Variants in CROCC2 observed in about 807,000 individuals in gnomAD.
CROCC2 encodes ciliary rootlet coiled-coil protein 2.
In CROCC2, 163 loss-of-function variants were observed where a neutral mutation model predicts 177.6. The observed-to-expected ratio is 0.92, with a 90% confidence interval of 0.81 to 1.05. The LOEUF (loss-of-function observed/expected upper bound fraction) is 1.05. Ranked by LOEUF, CROCC2 falls within the 50% of genes least tolerant of loss-of-function variation. The probability of loss-of-function intolerance (pLI) is 0.00; values close to 1 mark genes in which losing one functional copy is unlikely to be tolerated. For synonymous variants in CROCC2, 904 were observed against 787.3 expected (o/e 1.15, Z -2.48); for missense variants, 1,929 against 1,797.8 (o/e 1.07, Z -1.32).
intron 19 of CROCC2, 22 bp from the exon 20 acceptor site, chr2:240,959,279 G>A (rs1010840833): frequency 7.1e-6 from 11 of 1,548,404 alleles, no homozygotes; most frequent in African/African-American, 4.1e-5. Context: ...TGGTGCCACC[G>A]TGGGCTCCCT....
intron 19 of CROCC2, chr2:240,957,902 G>T: frequency 1.1e-6 from 1 of 884,010 alleles, no homozygotes; most frequent in Non-Finnish European, 1.4e-6. Flanking sequence ...CACCCCGTGG[G>T]CAGGGACCCA....
chr2:240,947,919 T>C (rs2059533118), intron 15 of CROCC2, among the ~76,000 whole-genome samples: 1 of 151,216 alleles, frequency 6.6e-6, no homozygotes, highest in Non-Finnish European at 1.5e-5. Context: ...CCCTGGAGTT[T>C]CTCCTGGGCC....
intron 14 of CROCC2, among the ~76,000 whole-genome samples, chr2:240,939,728 T>C (rs1300569700): frequency 6.6e-6 from 1 of 152,194 alleles, no homozygotes; most frequent in Non-Finnish European, 1.5e-5. Flanking sequence ...TGCATCCTAA[T>C]AATTTTGCAT....
intron 20 of CROCC2, among the ~76,000 whole-genome samples, chr2:240,961,719 C>A (rs1314759049): frequency 6.7e-6 from 1 of 148,846 alleles, no homozygotes; most frequent in Admixed American, 6.7e-5. Context: ...TGCATGCACA[C>A]ACACGTATGC....
chr2:240,974,086 A>G (rs1385921044), intron 27 of CROCC2, among the ~76,000 whole-genome samples: 1 of 152,204 alleles, frequency 6.6e-6, no homozygotes, highest in African/African-American at 2.4e-5. Flanking sequence ...ACGTCTGCTT[A>G]GCATCATCTT....
intron 26 of CROCC2, 112 bp from the exon 27 acceptor site, chr2:240,968,017 A>C (rs2059695130): frequency 1.7e-6 from 2 of 1,145,630 alleles, no homozygotes; most frequent in African/African-American, 3.2e-5. Context: ...GCAAGGATGG[A>C]CCCCCACCTC....
At position 240,950,475 on chromosome 2, in the gene CROCC2, G is replaced by T. The variant is rs747869470; in HGVS notation, c.2794G>T (p.Glu932Ter). The T allele has an allele frequency of 1.9e-6, 3 of 1,550,036 alleles. No individual in the cohort carries two copies. Among genetic ancestry groups the T allele is most frequent in the Non-Finnish European group, 2.6e-6 (3 of 1,146,762 alleles). Residue 932 changes from glutamate (E) to a stop codon, truncating the protein, a stop_gained, in exon 18 of 32, where the codon GAG becomes TAG. Coordinates refer to ENST00000690015, the MANE Select transcript of CROCC2 (RefSeq NM_001351305.2). LOFTEE classifies it high-confidence loss of function. Reference sequence around the variant, plus strand: ...TCAGAGCCTGAAGCAGGAGCGGGACGAGAGCCTTCTCCAACTGGAGCACAA... The same window carrying T: ...TCAGAGCCTGAAGCAGGAGCGGGACTAGAGCCTTCTCCAACTGGAGCACAA... ...EIQSLKQERD[E>*]SLLQLEHKMQ... is the part of the protein sequence containing the mutation.
chr2:240,911,513 G>A (rs377708257), intron 1 of CROCC2, among the ~76,000 whole-genome samples: 1 of 152,128 alleles, frequency 6.6e-6, no homozygotes, highest in South Asian at 2.1e-4. Flanking sequence ...AGCCAGGAGG[G>A]TCTCGAACTC....
intron 1 of CROCC2, among the ~76,000 whole-genome samples, chr2:240,912,090 G>A (rs970342759): frequency 1.1e-4 from 17 of 152,210 alleles, no homozygotes; most frequent in Non-Finnish European, 1.3e-4. Context: ...TAACCGCACC[G>A]TCTTACCCTC....
chr2:240,910,928 T>C lies in CROCC2; in HGVS notation c.78+4337T>C, dbSNP rs554793864. ...GGCGGATCGCTTGAGGTCAGGAGTT[T>C]GAGACCAGCCTGGCCAACATGGTGA... On this transcript the variant is annotated intron_variant, in intron 1 of 31. Coordinates refer to ENST00000690015, the MANE Select transcript of CROCC2 (RefSeq NM_001351305.2). 1.3e-4 allele frequency among the ~76,000 whole-genome samples: 20 copies of C among 152,142 alleles called. No homozygotes were observed. In the South Asian group the frequency reaches 2.5e-3, roughly 19 times the overall value.
Position 240,933,763 on chromosome 2 carries a change from A to T in CROCC2, c.1557A>T (p.Ala519=). The T allele has an allele frequency of 6.5e-7, 1 of 1,549,648 alleles. No homozygotes were observed. The highest frequency in any genetic ancestry group is 8.7e-7 in the Non-Finnish European group (1 of 1,146,808). Residue 519 remains alanine (A), a synonymous_variant, in exon 11 of 32, where the codon GCA becomes GCT. Coordinates refer to ENST00000690015, the MANE Select transcript of CROCC2 (RefSeq NM_001351305.2). ...AEKQGLEAEA[A]ELQRSLLLQA... is the part of the protein sequence containing the mutation. ...AGCAGGGGCTGGAGGCCGAGGCTGC[A>T]GAGCTGCAGAGAAGCCTCCTGCTGC...
rs1357530608 is a variant in CROCC2 at position 240,973,488 on chromosome 2, C to T, written c.4401+5226C>T. ...AGCCTCCGTGGCTCAGGGAAGCTCA[C>T]GGCGTTCTTGGACTCTTGCCCAGGC... On this transcript the variant is annotated intron_variant, in intron 27 of 31. Transcript: ENST00000690015. The surrounding 1 kb of genome is among the most constrained non-coding windows in gnomAD (Gnocchi z 4.7). Among the ~76,000 whole-genome samples, 5 of 152,322 alleles carry T rather than the reference C, an allele frequency of 3.3e-5. No homozygotes were observed. Among genetic ancestry groups the T allele is most frequent in the Middle Eastern group, 3.4e-3 (1 of 294 alleles).
intron 1 of CROCC2, among the ~76,000 whole-genome samples, chr2:240,907,679 C>G (rs1349072710): frequency 6.6e-6 from 1 of 152,130 alleles, no homozygotes; most frequent in Non-Finnish European, 1.5e-5. Context: ...TGCAACAAGA[C>G]AAAGAGGTGC....
intron 26 of CROCC2, among the ~76,000 whole-genome samples, 156 bp from the exon 27 acceptor site, chr2:240,967,973 C>T (rs1021145573): frequency 1.3e-5 from 2 of 152,014 alleles, no homozygotes; most frequent in East Asian, 2.0e-4. Flanking sequence ...GGTGGGAAGC[C>T]GGGACCCTGG....
chr2:240,944,614 G>T (rs940350792), intron 14 of CROCC2, among the ~76,000 whole-genome samples: 3 of 150,352 alleles, frequency 2.0e-5, no homozygotes. Context: ...TTTACTTTTG[G>T]TTATTATATT....
chr2:240,932,539 G>C (rs12472087), intron 8 of CROCC2, 125 bp downstream of exon 8: 1 of 693,910 alleles, frequency 1.4e-6, no homozygotes, highest in Non-Finnish European at 2.7e-6. Flanking sequence ...GGTCCCTGCA[G>C]TGCACTTTGA....
chr2:240,989,929 C>T, intron 30 of CROCC2, 96 bp downstream of exon 30: 2 of 1,215,234 alleles, frequency 1.6e-6, no homozygotes. Context: ...TTCTTGAAGT[C>T]CTCTAGCAAC....
At position 240,946,053 on chromosome 2, in the gene CROCC2, C is replaced by G. The variant is rs935877307; in HGVS notation, c.2170-7C>G. The G allele has an allele frequency of 4.0e-6, 6 of 1,503,682 alleles. No homozygotes were observed. The highest frequency in any genetic ancestry group is 5.4e-6 in the Non-Finnish European group (6 of 1,113,382). The allele number at this position is 1,503,682 out of a possible 1,614,324, so 93.1% of individuals were successfully genotyped here. ...TCTGCCGACTGTCCCCTCCCCACCT[C>G]CCCTAGGTCACATGCCAGAAACAGG... is the stretch of plus-strand genomic sequence containing the variant. On this transcript the variant is annotated splice_polypyrimidine_tract_variant and splice_region_variant and intron_variant, in intron 14 of 31. Transcript: ENST00000690015.
At chr2:240,940,438 T>A (rs1447187173) in intron 14 of CROCC2, among the ~76,000 whole-genome samples, 1 of 152,218 alleles carries the variant, frequency 6.6e-6, no homozygotes, top group Non-Finnish European at 1.5e-5. Context: ...CCGTGGTATA[T>A]CCTTTTCATA....
Sources: allele counts gnomAD v4.1 joint callset (sites outside exome capture counted in the v4.1 genomes callset), GRCh38; gene constraint gnomAD v4.1.1; non-coding constraint Gnocchi (gnomAD v3.1); transcripts MANE v1.5; gene names NCBI Gene and HGNC (gene_info 2026-07-23, HGNC 2026-07-21).